The following TBC1D9 variants were observed in gnomAD, a reference collection of about 807,000 sequenced individuals.
TBC1D9 encodes TBC1 domain family member 9A.
TBC1D9 carries 63 observed loss-of-function variants against 132.0 expected under a neutral mutation model. The observed-to-expected ratio is 0.48, with a 90% confidence interval of 0.39 to 0.59. The LOEUF is 0.59. TBC1D9 is among the 20% of genes least tolerant of loss of function. The probability of loss-of-function intolerance (pLI) is 0.00; values close to 1 mark genes in which losing one functional copy is unlikely to be tolerated. For synonymous variants in TBC1D9, 610 were observed against 609.9 expected (o/e 1.00, Z 0.00); for missense variants, 1,261 against 1,592.7 (o/e 0.79, Z 3.54).
chr4:140,746,913 T>C (rs1460856945), intron 1 of TBC1D9, among the ~76,000 whole-genome samples: 1 of 152,094 alleles, frequency 6.6e-6, no homozygotes, highest in Non-Finnish European at 1.5e-5. Flanking sequence ...ATGCCTATAA[T>C]CCTAGCACTT....
chr4:140,746,667 A>G (rs1738841492), intron 1 of TBC1D9, among the ~76,000 whole-genome samples: 1 of 152,298 alleles, frequency 6.6e-6, no homozygotes, highest in East Asian at 1.9e-4. Context: ...AAAGAGAGAA[A>G]TAAGAGCCAA....
At chr4:140,749,220 T>TA (rs879624562) in intron 1 of TBC1D9, among the ~76,000 whole-genome samples, 20 of 136,488 alleles carry the variant, frequency 1.5e-4, no homozygotes, top group Admixed American at 2.2e-4. Context: ...AAATAAAAGG[T>TA]AAAAAAAAAA....
At chr4:140,681,025 A>G (rs1392664525) in intron 3 of TBC1D9, among the ~76,000 whole-genome samples, 2 of 152,204 alleles carry the variant, frequency 1.3e-5, no homozygotes, top group Non-Finnish European at 2.9e-5. Context: ...AAGCAGGGTA[A>G]CCCACAGGCA....
At chr4:140,730,186 G>A (rs1189455882) in intron 1 of TBC1D9, among the ~76,000 whole-genome samples, 1 of 152,182 alleles carries the variant, frequency 6.6e-6, no homozygotes, top group Non-Finnish European at 1.5e-5. Flanking sequence ...TCCTTGATAT[G>A]ATAAGTAAGC....
chr4:140,689,758 T>C (rs1261462651), intron 2 of TBC1D9, among the ~76,000 whole-genome samples: 1 of 126,218 alleles, frequency 7.9e-6, no homozygotes, highest in African/African-American at 3.0e-5. Context: ...CACCCCTTTT[T>C]TTTTTTTGAG....
intron 1 of TBC1D9, among the ~76,000 whole-genome samples, chr4:140,712,776 GATAGA>G (rs1738271015): frequency 6.6e-6 from 1 of 151,648 alleles, no homozygotes; most frequent in Non-Finnish European, 1.5e-5. Flanking sequence ...TAGATAGATA[GATAGA>G]TAGATAAATG....
At chr4:140,645,029 A>G (rs548599387) in intron 13 of TBC1D9, 61 of 475,916 alleles carry the variant, frequency 1.3e-4, no homozygotes, top group African/African-American at 9.1e-4. Context: ...GCGTGGCCAG[A>G]TGGGTTGCGG....
chr4:140,747,598 C>T (rs1041835926), intron 1 of TBC1D9, among the ~76,000 whole-genome samples: 2 of 152,046 alleles, frequency 1.3e-5, no homozygotes, highest in East Asian at 1.9e-4. Flanking sequence ...AGTTACCATA[C>T]CTGAAAAAAA....
intron 1 of TBC1D9, among the ~76,000 whole-genome samples, chr4:140,704,492 C>A (rs1287007185): frequency 6.7e-6 from 1 of 150,122 alleles, no homozygotes; most frequent in Non-Finnish European, 1.5e-5. Context: ...GTTTAATAAG[C>A]CTCTGAGTAT....
At chr4:140,694,796 T>A (rs1560888085) in intron 2 of TBC1D9, among the ~76,000 whole-genome samples, 3 of 150,220 alleles carry the variant, frequency 2.0e-5, no homozygotes, top group African/African-American at 7.3e-5. Context: ...TTTTAAAGTC[T>A]GAAAGTGATG....
In TBC1D9 at chr4:140,657,513, G is replaced by T; in HGVS notation, c.2207+14C>A. 6.2e-7 allele frequency: 1 copy of T among 1,605,864 alleles called. No homozygotes were observed. The highest frequency in any genetic ancestry group is 8.5e-7 in the Non-Finnish European group (1 of 1,175,572). On this transcript the variant is annotated intron_variant, in intron 12 of 20. Transcript: ENST00000442267. Reference sequence around the variant, plus strand: ...AACCGGAGATGGTTTTCAAAGTTAGGCTTAGTACAATACCTTCCCAAAACG... The same window carrying T: ...AACCGGAGATGGTTTTCAAAGTTAGTCTTAGTACAATACCTTCCCAAAACG...
At chr4:140,637,167 T>C (rs1736894070) in intron 15 of TBC1D9, among the ~76,000 whole-genome samples, 1 of 152,016 alleles carries the variant, frequency 6.6e-6, no homozygotes, top group Non-Finnish European at 1.5e-5. Flanking sequence ...ATGGCCAATA[T>C]GGTGAAACCC....
intron 13 of TBC1D9, chr4:140,643,727 G>A: frequency 8.2e-7 from 1 of 1,217,188 alleles, no homozygotes; most frequent in South Asian, 1.4e-5. Context: ...GTTCTGTCCG[G>A]CCCGGGGAAT....
At chr4:140,693,528 C>T (rs2111032362) in intron 2 of TBC1D9, among the ~76,000 whole-genome samples, 1 of 152,278 alleles carries the variant, frequency 6.6e-6, no homozygotes, top group South Asian at 2.1e-4. Context: ...TAAGGAACAA[C>T]ACTTAACACA....
At position 140,670,927 on chromosome 4, in the gene TBC1D9, C is replaced by T; in HGVS notation, c.1060-1G>A. On this transcript the variant is annotated splice_acceptor_variant, in intron 6 of 20. Coordinates refer to ENST00000442267, the MANE Select transcript of TBC1D9 (RefSeq NM_015130.3). LOFTEE classifies it high-confidence loss of function. Reference sequence around the variant, plus strand: ...TGTCTGCCTTTTCCACAATTGTCACCTGAAAAGAAGTGGGAAACAAAGAGC... The same window carrying T: ...TGTCTGCCTTTTCCACAATTGTCACTTGAAAAGAAGTGGGAAACAAAGAGC... The T allele has an allele frequency of 1.2e-6, 2 of 1,613,528 alleles. No individual in the cohort carries two copies. The highest frequency in any genetic ancestry group is 1.7e-6 in the Non-Finnish European group (2 of 1,179,558).
At chr4:140,647,951 A>G (rs952393461) in intron 13 of TBC1D9, among the ~76,000 whole-genome samples, 2 of 152,010 alleles carry the variant, frequency 1.3e-5, no homozygotes, top group African/African-American at 4.8e-5. Flanking sequence ...CGACTTTGGG[A>G]GGGGCTCTGC....
intron 8 of TBC1D9, 21 bp downstream of exon 8, chr4:140,669,613 G>A (rs755140006): frequency 3.1e-6 from 5 of 1,591,828 alleles, no homozygotes; most frequent in Admixed American, 3.4e-5. Flanking sequence ...AAAGTTTCAG[G>A]GAAAAGTGAG....
chr4:140,645,148 C>A, intron 13 of TBC1D9: 1 of 562,196 alleles, frequency 1.8e-6, no homozygotes, highest in Non-Finnish European at 3.4e-6. Context: ...TGGGCCAGGT[C>A]AGCCAGCTCA....
At chr4:140,664,032 C>G (rs1255297140) in intron 9 of TBC1D9, among the ~76,000 whole-genome samples, 2 of 140,410 alleles carry the variant, frequency 1.4e-5, no homozygotes, top group Admixed American at 7.0e-5. Flanking sequence ...TCACCAAACT[C>G]TCCCCACCAA....
Sources: allele counts gnomAD v4.1 joint callset (sites outside exome capture counted in the v4.1 genomes callset), GRCh38; gene constraint gnomAD v4.1.1; transcripts MANE v1.5; gene names NCBI Gene and HGNC (gene_info 2026-07-23, HGNC 2026-07-21).